Variants in CDH4 observed in about 807,000 individuals in gnomAD.
The protein encoded by CDH4 is cadherin-4.
In CDH4, 33 loss-of-function variants were observed where a neutral mutation model predicts 86.0. The observed-to-expected ratio is 0.38, with a 90% CI of 0.29 to 0.51. The LOEUF is 0.51. Ranked by LOEUF, CDH4 falls within the 20% of genes least tolerant of loss-of-function variation. CDH4 has a pLI of 0.86. For synonymous variants in CDH4, 555 were observed against 549.4 expected (o/e 1.01, Z -0.14); for missense variants, 1,114 against 1,307.4 (o/e 0.85, Z 2.28).
chr20:61,326,672 C>G (rs1023900408), intron 2 of CDH4, among the ~76,000 whole-genome samples: 1 of 152,176 alleles, frequency 6.6e-6, no homozygotes, highest in Non-Finnish European at 1.5e-5. Flanking sequence ...GTGGGGTTTG[C>G]AAATGTGCTG....
chr20:61,520,457 AC>A (rs2085860296), intron 2 of CDH4, among the ~76,000 whole-genome samples: 1 of 152,070 alleles, frequency 6.6e-6, no homozygotes, highest in African/African-American at 2.4e-5. Flanking sequence ...GGTAGAGATA[AC>A]CCCGATGCCT....
chr20:61,784,491 T>C (rs372602547), intron 4 of CDH4, among the ~76,000 whole-genome samples: 33 of 86,114 alleles, frequency 3.8e-4, no homozygotes, highest in East Asian at 1.4e-3. Context: ...CGATATCCTG[T>C]GCCCCCAGGA....
intron 2 of CDH4, among the ~76,000 whole-genome samples, chr20:61,305,088 A>T (rs1256279552): frequency 6.7e-6 from 1 of 150,124 alleles, no homozygotes; most frequent in Non-Finnish European, 1.5e-5. Flanking sequence ...TGTGTTGTGT[A>T]TGCACTGTGT....
chr20:61,868,854 G>A (rs1354053284), intron 6 of CDH4, among the ~76,000 whole-genome samples: 2 of 152,242 alleles, frequency 1.3e-5, no homozygotes, highest in Admixed American at 6.5e-5. Flanking sequence ...CTGAGCACAC[G>A]TGGGGAAGCC....
At chr20:61,408,292 G>A (rs2085095560) in intron 2 of CDH4, among the ~76,000 whole-genome samples, 1 of 152,166 alleles carries the variant, frequency 6.6e-6, no homozygotes, top group African/African-American at 2.4e-5. Context: ...TCTCAGGGGA[G>A]CCATTGTCTT....
At chr20:61,395,658 T>C (rs1188925624) in intron 2 of CDH4, among the ~76,000 whole-genome samples, 1 of 152,136 alleles carries the variant, frequency 6.6e-6, no homozygotes, top group Non-Finnish European at 1.5e-5. Flanking sequence ...TTCGTGCCTA[T>C]AGGCCCAGCT....
intron 2 of CDH4, among the ~76,000 whole-genome samples, chr20:61,321,546 C>T (rs1417113296): frequency 6.6e-6 from 1 of 152,006 alleles, no homozygotes; most frequent in Non-Finnish European, 1.5e-5. Flanking sequence ...TGGAAGACAC[C>T]ACGTGGCCTC....
In CDH4 at chr20:61,684,911, C is replaced by G. The variant is rs1262104748; in HGVS notation, c.170-58652C>G. 6.6e-6 allele frequency among the ~76,000 whole-genome samples: 1 copy of G among 151,390 alleles called. No individual in the cohort carries two copies. Among genetic ancestry groups the G allele is most frequent in the East Asian group, 1.9e-4 (1 of 5,192 alleles). On this transcript the variant is annotated intron_variant, in intron 2 of 15. Transcript: ENST00000614565. The surrounding 1 kb of genome is among the most constrained non-coding windows in gnomAD (Gnocchi z 4.5). Reference sequence around the variant, plus strand: ...CACGTTATTAAGATATAAAAACTTACCGTGAAATTCCCCTGTTTAAAGTGT... The same window carrying G: ...CACGTTATTAAGATATAAAAACTTAGCGTGAAATTCCCCTGTTTAAAGTGT...
chr20:61,464,642 A>G (rs1355237312), intron 2 of CDH4, among the ~76,000 whole-genome samples: 1 of 152,202 alleles, frequency 6.6e-6, no homozygotes, highest in Non-Finnish European at 1.5e-5. Context: ...AGTTGAGGCT[A>G]GAGCAGCCAG....
At chr20:61,446,209 A>G (rs1285070366) in intron 2 of CDH4, among the ~76,000 whole-genome samples, 9 of 152,220 alleles carry the variant, frequency 5.9e-5, no homozygotes, top group African/African-American at 2.2e-4. Context: ...TAATCATGTA[A>G]AATACATTTA....
At chr20:61,398,582 T>C (rs1306121918) in intron 2 of CDH4, among the ~76,000 whole-genome samples, 2 of 152,184 alleles carry the variant, frequency 1.3e-5, no homozygotes, top group Non-Finnish European at 2.9e-5. Flanking sequence ...TTCCCTCCTC[T>C]TCTAGGGAGC....
chr20:61,700,016 G>T (rs1181934086), intron 2 of CDH4, among the ~76,000 whole-genome samples: 1 of 152,210 alleles, frequency 6.6e-6, no homozygotes, highest in Non-Finnish European at 1.5e-5. Context: ...CGCCGGAGCT[G>T]CAGGTATCCG....
chr20:61,411,720 G>A (rs1370237228), intron 2 of CDH4, among the ~76,000 whole-genome samples: 2 of 152,222 alleles, frequency 1.3e-5, no homozygotes, highest in African/African-American at 4.8e-5. Context: ...TGCCTGCTGG[G>A]CCTGGATGGG....
chr20:61,903,916 G>C (rs986060505), intron 8 of CDH4, among the ~76,000 whole-genome samples: 4 of 152,216 alleles, frequency 2.6e-5, no homozygotes, highest in Non-Finnish European at 5.9e-5. Context: ...CCTTCTCTGA[G>C]ACAGGCCTGT....
chr20:61,837,374 G>A (rs1382692080), intron 4 of CDH4, among the ~76,000 whole-genome samples: 1 of 152,150 alleles, frequency 6.6e-6, no homozygotes, highest in Non-Finnish European at 1.5e-5. Flanking sequence ...GCTTTCAGAG[G>A]CTACTTAGGC....
chr20:61,359,289 G>A (rs2084770826), intron 2 of CDH4, among the ~76,000 whole-genome samples: 1 of 152,144 alleles, frequency 6.6e-6, no homozygotes, highest in African/African-American at 2.4e-5. Flanking sequence ...GGTGGACTAC[G>A]AGGTCACTCA....
At chr20:61,425,113 A>G (rs1222348156) in intron 2 of CDH4, among the ~76,000 whole-genome samples, 1 of 152,056 alleles carries the variant, frequency 6.6e-6, no homozygotes, top group African/African-American at 2.4e-5. Context: ...GATCCCCAAG[A>G]CCGCCTGTGT....
In CDH4 at chr20:61,681,861, T is replaced by C. The variant is rs2087518339; in HGVS notation, c.170-61702T>C. On this transcript the variant is annotated intron_variant, in intron 2 of 15. Coordinates refer to ENST00000614565, the MANE Select transcript of CDH4 (RefSeq NM_001794.5). The surrounding 1 kb of genome is among the most constrained non-coding windows in gnomAD (Gnocchi z 4.5). ...TTTGTCTTTGAGGGTGTGTGGTGTA[T>C]ACGGGAGCAAGCAGGTTCAGCAGAA... 6.6e-6 allele frequency among the ~76,000 whole-genome samples: 1 copy of C among 152,116 alleles called. No individual in the cohort carries two copies. The highest frequency in any genetic ancestry group is 2.4e-5 in the African/African-American group (1 of 41,402).
chr20:61,907,808 G>A (rs927791484), intron 8 of CDH4, among the ~76,000 whole-genome samples: 4 of 152,196 alleles, frequency 2.6e-5, no homozygotes, highest in African/African-American at 9.6e-5. Flanking sequence ...CGGGAGTGGT[G>A]GGGGCGGTAG....
Sources: gnomAD v4.1 joint callset for allele counts (sites outside exome capture counted in the v4.1 genomes callset) on GRCh38, gnomAD v4.1.1 for gene constraint, Gnocchi (gnomAD v3.1) non-coding constraint, MANE v1.5 for transcripts, NCBI Gene and HGNC (gene_info 2026-07-23, HGNC 2026-07-21) for gene names.